Variants in RPS6KC1 observed in about 807,000 individuals in gnomAD.
The protein encoded by RPS6KC1 is inactive ribosomal protein S6 kinase delta-1.
A neutral mutation model predicts 103.8 loss-of-function variants in RPS6KC1; 54 were observed. The observed-to-expected ratio is 0.52, with a 90% CI of 0.42 to 0.65. The LOEUF (loss-of-function observed/expected upper bound fraction) is 0.65. RPS6KC1 is among the 30% of genes least tolerant of loss of function. The probability of loss-of-function intolerance (pLI) is 0.00; values close to 1 mark genes in which losing one functional copy is unlikely to be tolerated. For missense variants in RPS6KC1, 1,151 were observed against 1,253.8 expected (o/e 0.92, Z 1.24); for synonymous variants, 439 against 438.7 (o/e 1.00, Z -0.01).
At chr1:213,515,821 A>T in the RPS6KC1 span, among the ~76,000 whole-genome samples, 60 of 152,276 alleles carry the variant, frequency 3.9e-4, no homozygotes, top group African/African-American at 1.4e-3. Context: ...TACCTTGGGC[A>T]GTGTGGCCAT....
chr1:213,618,183 G>A, the RPS6KC1 span, among the ~76,000 whole-genome samples: 1 of 152,030 alleles, frequency 6.6e-6, no homozygotes, highest in Non-Finnish European at 1.5e-5. Context: ...ATTATAAAAA[G>A]CAATAAACTA....
the RPS6KC1 span, among the ~76,000 whole-genome samples, chr1:213,549,496 G>T: frequency 6.6e-6 from 1 of 152,074 alleles, no homozygotes; most frequent in Admixed American, 6.5e-5. Context: ...ATAAAGAAGG[G>T]CCAAAGAAAA....
At chr1:213,208,618 C>T (rs960134106) in intron 8 of RPS6KC1, among the ~76,000 whole-genome samples, 5 of 152,122 alleles carry the variant, frequency 3.3e-5, no homozygotes, top group African/African-American at 9.7e-5. Context: ...AGAAGAACCT[C>T]ATAATCTGCT....
intron 6 of RPS6KC1, among the ~76,000 whole-genome samples, chr1:213,151,196 G>A (rs1572858351): frequency 2.2e-5 from 3 of 133,926 alleles, no homozygotes; most frequent in Non-Finnish European, 3.3e-5. Context: ...CCTCCCGGAT[G>A]GGGCGGCTGG....
chr1:213,242,345 A>G (rs758935885), intron 11 of RPS6KC1, 48 bp downstream of exon 11: 1 of 1,594,068 alleles, frequency 6.3e-7, no homozygotes, highest in Non-Finnish European at 8.6e-7. Context: ...TGTTGCTTCC[A>G]ATTAACTGAG....
chr1:213,212,613 G>A (rs1345053643), intron 8 of RPS6KC1, among the ~76,000 whole-genome samples: 1 of 152,172 alleles, frequency 6.6e-6, no homozygotes, highest in Non-Finnish European at 1.5e-5. Context: ...TGTAATTGCT[G>A]GTTCATTTAT....
At chr1:213,192,641 CT>C (rs1259467743) in intron 8 of RPS6KC1, among the ~76,000 whole-genome samples, 2 of 152,012 alleles carry the variant, frequency 1.3e-5, no homozygotes, top group Admixed American at 1.3e-4. Flanking sequence ...TCTTGTTTAC[CT>C]TTTCAGAACA....
chr1:213,676,965 C>G, the RPS6KC1 span, among the ~76,000 whole-genome samples: 4 of 152,166 alleles, frequency 2.6e-5, no homozygotes, highest in African/African-American at 9.7e-5. Flanking sequence ...AGAAAACAAA[C>G]AGAGGCCCTC....
At chr1:213,312,217 C>T in the RPS6KC1 span, among the ~76,000 whole-genome samples, 3 of 151,282 alleles carry the variant, frequency 2.0e-5, no homozygotes, top group Non-Finnish European at 4.4e-5. Flanking sequence ...TCTGATTCTG[C>T]ACACCAGGAG....
At chr1:213,664,196 G>GGGGT in the RPS6KC1 span, among the ~76,000 whole-genome samples, 1 of 143,906 alleles carries the variant, frequency 6.9e-6, no homozygotes, top group African/African-American at 2.5e-5. Flanking sequence ...AATGAGCGGG[G>GGGGT]GGGCGGGGTG....
At chr1:213,688,007 A>G in the RPS6KC1 span, among the ~76,000 whole-genome samples, 1 of 152,110 alleles carries the variant, frequency 6.6e-6, no homozygotes, top group African/African-American at 2.4e-5. Context: ...AAGATTGATG[A>G]CCACTCTCAG....
chr1:213,082,289 G>T (rs1251798743), intron 3 of RPS6KC1, among the ~76,000 whole-genome samples: 1 of 152,064 alleles, frequency 6.6e-6, no homozygotes, highest in Non-Finnish European at 1.5e-5. Flanking sequence ...AAATTAGCCA[G>T]GCGTGGTGGC....
chr1:213,427,850 T>G, the RPS6KC1 span, among the ~76,000 whole-genome samples: 582 of 152,350 alleles, frequency 3.8e-3, 9 homozygotes, highest in African/African-American at 0.013. Context: ...TCACATAATT[T>G]GTTAGCCTCC....
At chr1:213,396,271 A>G in the RPS6KC1 span, among the ~76,000 whole-genome samples, 1 of 152,154 alleles carries the variant, frequency 6.6e-6, no homozygotes, top group Non-Finnish European at 1.5e-5. Context: ...CGAGGATTAA[A>G]TGAGATAATG....
At chr1:213,072,108 T>G (rs1341427667) in intron 2 of RPS6KC1, among the ~76,000 whole-genome samples, 1 of 152,110 alleles carries the variant, frequency 6.6e-6, no homozygotes, top group Admixed American at 6.6e-5. Context: ...ACAGATACTT[T>G]AAGTTTACAG....
chr1:213,333,862 A>C, the RPS6KC1 span, among the ~76,000 whole-genome samples: 7 of 152,208 alleles, frequency 4.6e-5, no homozygotes, highest in Non-Finnish European at 1.0e-4. Context: ...TTGTATTTTT[A>C]GTAGAGAAGG....
the RPS6KC1 span, among the ~76,000 whole-genome samples, chr1:213,486,801 C>T: frequency 3.3e-4 from 50 of 152,286 alleles, no homozygotes; most frequent in East Asian, 5.8e-3. Context: ...AGTCAAGATA[C>T]GGGCCCAGCT....
chr1:213,547,679 G>T, the RPS6KC1 span, among the ~76,000 whole-genome samples: 6,828 of 152,202 alleles, frequency 0.045, 217 homozygotes, highest in Middle Eastern at 0.12. Context: ...TACTCTGTTA[G>T]TTCCCTCAAG....
chr1:213,821,708 C>G, the RPS6KC1 span: 1 of 152,436 alleles, frequency 6.6e-6, no homozygotes, highest in South Asian at 2.1e-4. Flanking sequence ...TCACCATCTA[C>G]TTTTCCAGCT....
Sources: gnomAD v4.1 joint callset for allele counts (sites outside exome capture counted in the v4.1 genomes callset) on GRCh38, gnomAD v4.1.1 for gene constraint, MANE v1.5 for transcripts, NCBI Gene and HGNC (gene_info 2026-07-23, HGNC 2026-07-21) for gene names.